GPNMB: variants seen among roughly 807,000 people sequenced by gnomAD.
GPNMB encodes the protein transmembrane glycoprotein NMB.
Under a neutral mutation model 57.3 loss-of-function variants are expected in GPNMB, and 71 were observed. The observed-to-expected ratio is 1.24, with a 90% CI of 1.02 to 1.51. The LOEUF is 1.51. Ranked by LOEUF, GPNMB falls within the 40% of genes most tolerant of loss-of-function variation. GPNMB has a pLI of 0.00. For missense variants in GPNMB, 677 were observed against 691.9 expected (o/e 0.98, Z 0.24); for synonymous variants, 253 against 263.2 (o/e 0.96, Z 0.38).
intron 1 of GPNMB, among the ~76,000 whole-genome samples, chr7:23,248,486 T>G (rs1441866510): frequency 6.6e-6 from 1 of 152,132 alleles, no homozygotes; most frequent in Non-Finnish European, 1.5e-5. Flanking sequence ...GGACTAAATA[T>G]TCTGCCCAGA....
Position 23,247,114 on chromosome 7 carries a change from A to G in GPNMB, c.70+187A>G, listed in dbSNP as rs184496604. The G allele has an allele frequency of 2.2e-3, 1,301 of 603,620 alleles. 2 individuals are homozygous for G. The highest frequency in any genetic ancestry group is 3.4e-3 in the Non-Finnish European group (1,137 of 336,764). The allele number at this position is 603,620 out of a possible 1,614,324, so 37.4% of individuals were successfully genotyped here. On this transcript the variant is annotated intron_variant, in intron 1 of 10. Transcript: ENST00000258733. Reference sequence around the variant, plus strand: ...ACTACAGCAAAATGCCTCCAGCTCCATTCTTTGCTTTCGGCTCATGGAAAG... The same window carrying G: ...ACTACAGCAAAATGCCTCCAGCTCCGTTCTTTGCTTTCGGCTCATGGAAAG...
chr7:23,273,724 AG>A (rs1436971390), intron 10 of GPNMB, 110 bp downstream of exon 10: 7 of 721,794 alleles, frequency 9.7e-6, no homozygotes, highest in Non-Finnish European at 1.7e-5. Flanking sequence ...CATTTTGTGT[AG>A]GGGAGGAAAA....
At chr7:23,262,707 C>T (rs1353749437) in intron 6 of GPNMB, among the ~76,000 whole-genome samples, 1 of 150,270 alleles carries the variant, frequency 6.7e-6, no homozygotes, top group East Asian at 2.0e-4. Flanking sequence ...CAACCTCCAC[C>T]TCCTGGACTC....
rs911583615 is a variant in GPNMB, at chr7:23,260,037, A to G, written c.599A>G (p.Asn200Ser). The change falls in exon 5 of 11, where the codon AAT becomes AGT. Residue 200 changes from asparagine (N) to serine (S), a missense_variant. Physicochemically the swap from Asn to Ser is conservative, Grantham distance 46. Coordinates refer to ENST00000258733, the MANE Select transcript of GPNMB (RefSeq NM_002510.3). Reference sequence around the variant, plus strand: ...GTGAGAGTTTCTGTGAACACAGCCAATGTGACACTTGGGCCTCAACTCATG... The same window carrying G: ...GTGAGAGTTTCTGTGAACACAGCCAGTGTGACACTTGGGCCTCAACTCATG... Reference protein sequence around the residue: ...CSVRVSVNTANVTLGPQLMEV... With the variant: ...CSVRVSVNTASVTLGPQLMEV... 1 of 1,614,128 alleles carries G rather than the reference A, an allele frequency of 6.2e-7. No individual in the cohort carries two copies. The highest frequency in any genetic ancestry group is 8.5e-7 in the Non-Finnish European group (1 of 1,179,950).
Position 23,274,167 on chromosome 7 carries a change from G to A in GPNMB, c.1626G>A (p.Pro542=), listed in dbSNP as rs745413407. The stretch of plus-strand genomic sequence containing the variant: ...ACCGTGCAAAAGCCGTGTTCTTCCC[G>A]GGAAACCAGGAAAAGGATCCGCTAC... The part of the protein sequence containing the change: ...FLNRAKAVFF[P]GNQEKDPLLK... Residue 542 remains proline (P), a synonymous_variant, in exon 11 of 11, where the codon CCG becomes CCA. Transcript: ENST00000258733. 1.2e-5 allele frequency: 20 copies of A among 1,613,826 alleles called. No homozygotes were observed. Among genetic ancestry groups the A allele is most frequent in the Middle Eastern group, 1.6e-4 (1 of 6,084 alleles).
Position 23,274,204 on chromosome 7 carries a change from G to T in GPNMB, c.1663G>T (p.Glu555Ter), listed in dbSNP as rs11537976. 6.6e-3 allele frequency: 10,665 copies of T among 1,612,126 alleles called. 203 individuals are homozygous for T. The highest frequency in any genetic ancestry group is 4.3e-3 in the Non-Finnish European group (5,101 of 1,179,460). The change falls in exon 11 of 11, where the codon GAA becomes TAA. Residue 555 changes from glutamate to a stop codon, truncating the protein, a stop_gained. Coordinates refer to ENST00000258733, the MANE Select transcript of GPNMB (RefSeq NM_002510.3). LOFTEE classifies it high-confidence loss of function. ...QEKDPLLKNQ[E>*]FKGVS is the part of the protein sequence containing the mutation. ...AAAGGATCCGCTACTCAAAAACCAA[G>T]AATTTAAAGGAGTTTCTTAAATTTC... is the stretch of plus-strand genomic sequence containing the variant.
intron 3 of GPNMB, 148 bp from the exon 4 acceptor site, chr7:23,256,744 T>C (rs1157736864): frequency 9.5e-6 from 6 of 632,190 alleles, no homozygotes; most frequent in Non-Finnish European, 1.7e-5. Context: ...TACTATTGGA[T>C]GGATTCTACA....
chr7:23,259,946 C>T, intron 4 of GPNMB, 34 bp from the exon 5 acceptor site: 1 of 1,603,026 alleles, frequency 6.2e-7, no homozygotes, highest in South Asian at 1.1e-5. Flanking sequence ...TGATATAATG[C>T]AGCCAATAAC....
At chr7:23,264,719 T>G (rs1783017765) in intron 6 of GPNMB, among the ~76,000 whole-genome samples, 1 of 152,228 alleles carries the variant, frequency 6.6e-6, no homozygotes, top group South Asian at 2.1e-4. Context: ...GTAGAATCAC[T>G]GACTTTTATT....
chr7:23,247,035 C>A, intron 1 of GPNMB, 108 bp downstream of exon 1: 3 of 840,430 alleles, frequency 3.6e-6, no homozygotes, highest in South Asian at 1.4e-5. Flanking sequence ...CTTCAGGAAG[C>A]TTTCATCTCT....
chr7:23,272,456 TGAAAGAGAGAGAGAGA>T (rs1783230578), intron 9 of GPNMB, among the ~76,000 whole-genome samples: 1 of 150,630 alleles, frequency 6.6e-6, no homozygotes, highest in African/African-American at 2.5e-5. Flanking sequence ...AAACCCTGTC[TGAAAGAGAGAGAGAGA>T]GAAAGAGAGA....
chr7:23,265,492 A>G (rs1278528016), intron 6 of GPNMB, among the ~76,000 whole-genome samples: 2 of 152,202 alleles, frequency 1.3e-5, no homozygotes, highest in African/African-American at 4.8e-5. Context: ...TCTTTGCTCT[A>G]ATTATATTCA....
At chr7:23,271,426 G>A (rs1188537870) in intron 9 of GPNMB, among the ~76,000 whole-genome samples, 1 of 152,188 alleles carries the variant, frequency 6.6e-6, no homozygotes, top group Admixed American at 6.6e-5. Flanking sequence ...CTTTGAACTT[G>A]AAGCCTATCT....
chr7:23,260,284 A>T, intron 5 of GPNMB, 146 bp downstream of exon 5: 1 of 1,040,200 alleles, frequency 9.6e-7, no homozygotes, highest in Admixed American at 2.5e-5. Context: ...GTTGTAGTTC[A>T]TCTGTTTTCC....
At chr7:23,262,933 T>C (rs915047321) in intron 6 of GPNMB, among the ~76,000 whole-genome samples, 6 of 152,248 alleles carry the variant, frequency 3.9e-5, no homozygotes, top group Middle Eastern at 3.4e-3. Context: ...CATTCTCTTA[T>C]TGATGGATGA....
chr7:23,256,051 C>T (rs531628790), intron 3 of GPNMB, among the ~76,000 whole-genome samples: 29 of 152,054 alleles, frequency 1.9e-4, no homozygotes, highest in Admixed American at 1.3e-4. Context: ...GGATTATAGG[C>T]GCATGCAGCA....
chr7:23,256,616 C>T (rs1284209890), intron 3 of GPNMB, among the ~76,000 whole-genome samples: 2 of 151,962 alleles, frequency 1.3e-5, no homozygotes, highest in African/African-American at 4.8e-5. Context: ...CTTGAAAACC[C>T]GATAGGAAGA....
At chr7:23,272,932 C>T (rs1391096927) in intron 9 of GPNMB, 8 of 151,836 alleles carry the variant, frequency 5.3e-5, no homozygotes, top group Non-Finnish European at 8.8e-5. Flanking sequence ...CAGCCTCGAC[C>T]TCCCGGGCTC....
intron 1 of GPNMB, among the ~76,000 whole-genome samples, chr7:23,248,648 A>T (rs1420031321): frequency 1.3e-5 from 2 of 152,178 alleles, no homozygotes; most frequent in African/African-American, 4.8e-5. Flanking sequence ...CACAGCAAGG[A>T]TGCCAAAGTG....
Sources: allele counts gnomAD v4.1 joint callset (sites outside exome capture counted in the v4.1 genomes callset), GRCh38; gene constraint gnomAD v4.1.1; transcripts MANE v1.5; gene names NCBI Gene and HGNC (gene_info 2026-07-23, HGNC 2026-07-21).